The following XDH variants were observed in gnomAD, a reference collection of about 807,000 sequenced individuals.
The protein encoded by XDH is xanthine dehydrogenase/oxidase.
In XDH, 138 loss-of-function variants were observed where a neutral mutation model predicts 156.1. The ratio of observed to expected loss-of-function variants is 0.88; its 90% CI spans 0.77 to 1.02. The LOEUF (loss-of-function observed/expected upper bound fraction) is 1.02, where lower values mean the gene tolerates loss of function less well. XDH is among the 50% of genes least tolerant of loss of function. The pLI, the probability that XDH is intolerant of heterozygous loss-of-function variation, is 0.00. For missense variants in XDH, 1,849 were observed against 1,684.9 expected (o/e 1.10, Z -1.71); for synonymous variants, 669 against 625.7 (o/e 1.07, Z -1.03).
chr2:31,348,928 T>C lies in XDH; in HGVS notation c.3022A>G (p.Ile1008Val), dbSNP rs1572516568. The change falls in exon 27 of 36, where the codon ATA becomes GTA. Residue 1008 changes from isoleucine to valine, a missense_variant. Ile to Val is a conservative substitution (Grantham distance 29). Transcript: ENST00000379416. ...GLCIIPTKFG[I>V]SFTVPFLNQA... is the part of the protein sequence containing the mutation. Reference sequence around the variant, plus strand: ...TTCAGAAAAGGAACTGTAAAGCTTATTCCAAACTTGGTGGGAATTATGCAC... The same window carrying C: ...TTCAGAAAAGGAACTGTAAAGCTTACTCCAAACTTGGTGGGAATTATGCAC... 6.2e-7 allele frequency: 1 copy of C among 1,613,566 alleles called. No homozygotes were observed. The highest frequency in any genetic ancestry group is 8.5e-7 in the Non-Finnish European group (1 of 1,179,408).
intron 31 of XDH, among the ~76,000 whole-genome samples, chr2:31,343,355 A>ATATATATATATATATATATG (rs1307938905): frequency 1.0e-5 from 1 of 99,104 alleles, no homozygotes; most frequent in Non-Finnish European, 2.0e-5. Context: ...TATGCCTTAT[A>ATATATATATATATATATATG]CATATATATT....
At chr2:31,358,169 A>G (rs1009620191) in intron 24 of XDH, among the ~76,000 whole-genome samples, 1 of 152,176 alleles carries the variant, frequency 6.6e-6, no homozygotes, top group Non-Finnish European at 1.5e-5. Context: ...CACTTATTCC[A>G]AAATTGACCA....
chr2:31,343,236 TA>T (rs1427028717), intron 31 of XDH, among the ~76,000 whole-genome samples: 1 of 147,130 alleles, frequency 6.8e-6, no homozygotes, highest in East Asian at 2.0e-4. Flanking sequence ...TATGTATGTG[TA>T]GGTCAGATAT....
Position 31,401,326 on chromosome 2 carries a change from T to G in XDH, c.200A>C (p.His67Pro), listed in dbSNP as rs749746731. The G allele has an allele frequency of 1.2e-6, 2 of 1,614,018 alleles. No individual in the cohort carries two copies. Among genetic ancestry groups the G allele is most frequent in the African/African-American group, 2.7e-5 (2 of 74,942 alleles). ...KYDRLQNKIVHFSANACLAPI... is the reference protein window; with the variant it reads ...KYDRLQNKIVPFSANACLAPI... The stretch of plus-strand genomic sequence containing the variant: ...GGCCAGGCAGGCATTGGCAGAAAAG[T>G]GGCTAGAACCCCAGATTAAGGTCAT... Residue 67 changes from histidine to proline, a missense_variant and splice_region_variant, in exon 4 of 36, where the codon CAC becomes CCC. Physicochemically the swap from His to Pro is moderately conservative, Grantham distance 77. Transcript: ENST00000379416.
intron 21 of XDH, 56 bp from the exon 22 acceptor site, chr2:31,366,165 G>T (rs1356793240): frequency 1.7e-5 from 27 of 1,613,898 alleles, no homozygotes; most frequent in Non-Finnish European, 1.0e-5. Context: ...CTTATTTCAG[G>T]CCTAAGGCAG....
At chr2:31,392,186 CT>C (rs1217351215) in intron 6 of XDH, among the ~76,000 whole-genome samples, 1 of 151,532 alleles carries the variant, frequency 6.6e-6, no homozygotes, top group Admixed American at 6.6e-5. Flanking sequence ...TGGATCTTCT[CT>C]TTTTTTTCTT....
intron 11 of XDH, among the ~76,000 whole-genome samples, chr2:31,382,335 C>T (rs1686457512): frequency 6.6e-6 from 1 of 151,820 alleles, no homozygotes; most frequent in Non-Finnish European, 1.5e-5. Context: ...TCAGAAGTGA[C>T]AGGTACTTGG....
At position 31,350,016 on chromosome 2, in the gene XDH, C is replaced by A; in HGVS notation, c.2823+16G>T. ...TCTAAAGCACTCTGACTTGTGCTAC[C>A]AAATTCTCAGCTTACCTCCTCTGCA... On this transcript the variant is annotated intron_variant, in intron 25 of 35. Transcript: ENST00000379416. The A allele has an allele frequency of 1.2e-6, 2 of 1,613,516 alleles. No individual in the cohort carries two copies. Among genetic ancestry groups the A allele is most frequent in the South Asian group, 1.1e-5 (1 of 91,058 alleles).
intron 1 of XDH, among the ~76,000 whole-genome samples, chr2:31,410,545 G>A (rs924310539): frequency 8.5e-5 from 13 of 152,178 alleles, no homozygotes; most frequent in South Asian, 2.1e-4. Flanking sequence ...GTGAAGAAAC[G>A]TGGTGGATAA....
In XDH at chr2:31,383,826, T is replaced by C. The variant is rs1423758394; in HGVS notation, c.815A>G (p.Asn272Ser). ...GCAGACAATCATAGGAAACAGCATA[T>C]TCTTGAACTTCATCTCAATGCCTAG... ...TEIGIEMKFK[N>S]MLFPMIVCPA... The change falls in exon 10 of 36, where the codon AAT becomes AGT. Residue 272 changes from asparagine (N) to serine (S), a missense_variant. Coordinates refer to ENST00000379416, the MANE Select transcript of XDH (RefSeq NM_000379.4). The C allele has an allele frequency of 1.2e-6, 2 of 1,613,958 alleles. No individual in the cohort carries two copies. The highest frequency in any genetic ancestry group is 2.7e-5 in the African/African-American group (2 of 74,928).
chr2:31,337,497 G>T, intron 35 of XDH, 144 bp downstream of exon 35: 1 of 1,107,240 alleles, frequency 9.0e-7, no homozygotes, highest in Non-Finnish European at 1.4e-6. Context: ...TTCATACCAT[G>T]CACAATGAAG....
chr2:31,341,089 T>C lies in XDH; in HGVS notation c.3585+240A>G, dbSNP rs149225597. On this transcript the variant is annotated intron_variant, in intron 33 of 35. Transcript: ENST00000379416. The stretch of plus-strand genomic sequence containing the variant: ...GCATGCCATGTTTCCTCATTTCTCA[T>C]CTTGTTTTTGAGTTGTGAGTGCCCT... Among the ~76,000 whole-genome samples the C allele has an allele frequency of 2.0e-5, 3 of 152,310 alleles. No homozygotes were observed. In the East Asian group the frequency reaches 5.8e-4, roughly 29 times the overall value.
chr2:31,370,561 T>G (rs1572537153), intron 17 of XDH, 83 bp from the exon 18 acceptor site: 2 of 1,574,086 alleles, frequency 1.3e-6, no homozygotes, highest in Non-Finnish European at 1.7e-6. Flanking sequence ...CCTGTTCTTA[T>G]TTTGATTGGC....
intron 12 of XDH, 128 bp downstream of exon 12, chr2:31,381,492 TCTCCATGCTTCCC>T: frequency 1.2e-6 from 1 of 856,508 alleles, no homozygotes; most frequent in Non-Finnish European, 1.9e-6. Flanking sequence ...CCAGGTACAT[TCTCCATGCTTCCC>T]TGGATCCAAA....
intron 16 of XDH, among the ~76,000 whole-genome samples, chr2:31,372,736 C>A (rs1174786951): frequency 6.6e-6 from 1 of 151,986 alleles, no homozygotes; most frequent in Non-Finnish European, 1.5e-5. Context: ...ATTGTTCATG[C>A]AAGCATAAAA....
intron 24 of XDH, among the ~76,000 whole-genome samples, chr2:31,357,753 T>C (rs1572524680): frequency 6.6e-6 from 1 of 152,056 alleles, no homozygotes; most frequent in Non-Finnish European, 1.5e-5. Flanking sequence ...CTTGAGGTGA[T>C]AGATATTGAC....
chr2:31,393,908 C>A (rs1423153575), intron 6 of XDH, among the ~76,000 whole-genome samples: 1 of 150,058 alleles, frequency 6.7e-6, no homozygotes. Context: ...GTGATTGTAT[C>A]TTATAATAAC....
intron 9 of XDH, chr2:31,384,375 G>C (rs1686527031): frequency 6.4e-6 from 1 of 156,548 alleles, no homozygotes; most frequent in African/African-American, 2.4e-5. Context: ...ATTCGTGTTG[G>C]GGTATAATCG....
chr2:31,378,814 A>G (rs1435307183), intron 13 of XDH, among the ~76,000 whole-genome samples: 1 of 151,872 alleles, frequency 6.6e-6, no homozygotes, highest in African/African-American at 2.4e-5. Flanking sequence ...AACTGAATAG[A>G]GCTACACCTG....
Sources: allele counts gnomAD v4.1 joint callset (sites outside exome capture counted in the v4.1 genomes callset), GRCh38; gene constraint gnomAD v4.1.1; transcripts MANE v1.5; gene names NCBI Gene and HGNC (gene_info 2026-07-23, HGNC 2026-07-21).